Variants in AHRR observed in about 807,000 individuals in gnomAD.
AHRR encodes the protein aryl hydrocarbon receptor repressor.
A neutral mutation model predicts 44.0 loss-of-function variants in AHRR; 28 were observed. The ratio of observed to expected loss-of-function variants is 0.64; its 90% CI spans 0.47 to 0.87. AHRR has a LOEUF of 0.87. AHRR is among the 40% of genes least tolerant of loss of function. The probability of loss-of-function intolerance (pLI) is 0.00; values close to 1 mark genes in which losing one functional copy is unlikely to be tolerated. For synonymous variants in AHRR, 434 were observed against 407.0 expected (o/e 1.07, Z -0.80); for missense variants, 990 against 953.9 (o/e 1.04, Z -0.50).
intron 7 of AHRR, 80 bp downstream of exon 7, chr5:424,057 A>G: frequency 6.5e-7 from 1 of 1,528,812 alleles, no homozygotes; most frequent in Non-Finnish European, 8.8e-7. Context: ...ACAGAGGGCA[A>G]GAGGGGGTGG....
chr5:417,307 G>A (rs561561330), intron 5 of AHRR, among the ~76,000 whole-genome samples: 9 of 149,784 alleles, frequency 6.0e-5, no homozygotes, highest in South Asian at 2.1e-4. Flanking sequence ...TGCAGGTCCC[G>A]AGTCTAGAGA....
chr5:420,698 G>A (rs1736040650), intron 5 of AHRR, among the ~76,000 whole-genome samples: 1 of 152,190 alleles, frequency 6.6e-6, no homozygotes, highest in Non-Finnish European at 1.5e-5. Flanking sequence ...GATGGCAGCG[G>A]GGACACCTTG....
At chr5:391,582 AGGAG>A (rs2126473704) in intron 4 of AHRR, among the ~76,000 whole-genome samples, 10 of 9,180 alleles carry the variant, frequency 1.1e-3, no homozygotes, top group Non-Finnish European at 1.6e-3. Context: ...GGGCAGGGCG[AGGAG>A]GGCGCAGGGC....
intron 4 of AHRR, among the ~76,000 whole-genome samples, chr5:401,660 C>G (rs1735019210): frequency 6.6e-6 from 1 of 152,196 alleles, no homozygotes; most frequent in Non-Finnish European, 1.5e-5. Context: ...CATCGTTCCA[C>G]AGGATGCCAG....
In AHRR at chr5:436,456, A is replaced by G. The variant is rs1231034852; in HGVS notation, c.*1622A>G. 6.6e-6 allele frequency: 1 copy of G among 152,420 alleles called. No homozygotes were observed. The highest frequency in any genetic ancestry group is 2.4e-5 in the African/African-American group (1 of 41,428). The allele number at this position is 152,420 out of a possible 1,614,324, so 9.4% of individuals were successfully genotyped here. A position where few individuals can be genotyped will look rare whatever the true frequency, so the allele number is the denominator to read the frequency against. ...TTGGCAGGACTGGGTCTTCTGCCCA[A>G]TGCCAGGTGCCTGCGCCTCTCAGTG... On this transcript the variant is annotated 3_prime_UTR_variant, in exon 11 of 11. Transcript: ENST00000684583.
intron 1 of AHRR, among the ~76,000 whole-genome samples, chr5:341,619 T>A (rs930845501): frequency 4.0e-5 from 6 of 150,638 alleles, no homozygotes; most frequent in Non-Finnish European, 7.4e-5. Context: ...TCTTCCAGGC[T>A]CAAGCAATTC....
Position 340,664 on chromosome 5 carries a change from T to TTATATATATA in AHRR, c.-10-3213_-10-3204dup, listed in dbSNP as rs201426173. Among the ~76,000 whole-genome samples, 15 of 31,950 alleles carry TTATATATATA rather than the reference T, an allele frequency of 4.7e-4. 2 individuals are homozygous for TTATATATATA. The highest frequency in any genetic ancestry group is 1.3e-3 in the African/African-American group (6 of 4,528). 21.0% of individuals were successfully genotyped at this position (31,950 alleles called of 152,430 possible). On this transcript the variant is annotated intron_variant, in intron 1 of 10. Transcript: ENST00000684583. ...GGACGCAATTATGTTCACAGCAATA[T>TTATATATATA]TATATATATATATATATATATATAT...
Position 422,750 on chromosome 5 carries a change from A to G in AHRR, c.463A>G (p.Ile155Val). 2 of 1,614,170 alleles carry G rather than the reference A, an allele frequency of 1.2e-6. No homozygotes were observed. Among genetic ancestry groups the G allele is most frequent in the Admixed American group, 1.7e-5 (1 of 60,012 alleles). Residue 155 changes from isoleucine to valine, a missense_variant, in exon 6 of 11, where the codon ATT (isoleucine) becomes GTT (valine). By Grantham distance (29) the Ile-to-Val change is conservative (BLOSUM62 3). Transcript: ENST00000684583. ...FHQTDVMHQN[I>V]YDYIHVDDRQ... ...TCAGACGGATGTAATGCACCAGAAC[A>G]TTTATGACTACATCCACGTGGACGA...
intron 3 of AHRR, among the ~76,000 whole-genome samples, chr5:361,781 C>T (rs931066574): frequency 6.4e-4 from 97 of 152,308 alleles, no homozygotes; most frequent in African/African-American, 2.3e-3. Context: ...TGTCTGGTCT[C>T]ACAGGTTCTT....
chr5:420,947 G>C, intron 5 of AHRR: 1 of 174,638 alleles, frequency 5.7e-6, no homozygotes, highest in South Asian at 6.2e-5. Context: ...CACCCACACA[G>C]GCGCACATAC....
rs370470620 is a variant in AHRR at position 370,365 on chromosome 5, G to A, written c.245-6245G>A. Among the ~76,000 whole-genome samples the A allele has an allele frequency of 1.4e-3, 218 of 152,348 alleles. 5 individuals carry two copies. In the South Asian group the frequency reaches 0.038, roughly 27 times the overall value. On this transcript the variant is annotated intron_variant, in intron 3 of 10. Coordinates refer to ENST00000684583, the MANE Select transcript of AHRR (RefSeq NM_001377236.1). The surrounding 1 kb of genome is among the most constrained non-coding windows in gnomAD (Gnocchi z 4.5). ...TCAGGCAATTCTGGGGCGAGCAGGC[G>A]TCGGGGAAGGGTTGGATGGGCGTCC...
rs559068848 is a variant in AHRR, at chr5:370,573, G to A, written c.245-6037G>A. Among the ~76,000 whole-genome samples, 2 of 152,318 alleles carry A rather than the reference G, an allele frequency of 1.3e-5. No individual in the cohort carries two copies. The highest frequency in any genetic ancestry group is 4.8e-5 in the African/African-American group (2 of 41,570). ...ACAGTGGGTGCAGCCCCAGGCAGGTGGTGGTCCATAGGGGACAGCCCCCAG... is the reference window on the plus strand; with the variant it reads ...ACAGTGGGTGCAGCCCCAGGCAGGTAGTGGTCCATAGGGGACAGCCCCCAG... On this transcript the variant is annotated intron_variant, in intron 3 of 10. Transcript: ENST00000684583. The surrounding 1 kb of genome is among the most constrained non-coding windows in gnomAD (Gnocchi z 4.5).
chr5:365,036 C>A (rs979332413), intron 3 of AHRR, among the ~76,000 whole-genome samples: 3 of 151,494 alleles, frequency 2.0e-5, no homozygotes, highest in Admixed American at 6.6e-5. Flanking sequence ...TATATAAATT[C>A]ATCATCAGAG....
Position 435,152 on chromosome 5 carries a change from C to T in AHRR, c.*318C>T, listed in dbSNP as rs981916883. 1.4e-4 allele frequency: 45 copies of T among 313,464 alleles called. No homozygotes were observed. The highest frequency in any genetic ancestry group is 2.4e-4 in the Non-Finnish European group (41 of 169,048). 19.4% of individuals were successfully genotyped at this position (313,464 alleles called of 1,614,324 possible). ...TCATGCCCCAGAGGCAGCGAGCACC[C>T]GTCCCATGGCTGCCAAGTCCACAGT... On this transcript the variant is annotated 3_prime_UTR_variant, in exon 11 of 11. Coordinates refer to ENST00000684583, the MANE Select transcript of AHRR (RefSeq NM_001377236.1).
At chr5:390,161 G>A (rs55646778) in intron 4 of AHRR, among the ~76,000 whole-genome samples, 1,684 of 152,250 alleles carry the variant, frequency 0.011, 18 homozygotes, top group Non-Finnish European at 0.019. Context: ...TGCAGTCAAC[G>A]GTAACTTAAT....
intron 4 of AHRR, among the ~76,000 whole-genome samples, chr5:380,233 G>C (rs1265920770): frequency 6.6e-6 from 1 of 152,086 alleles, no homozygotes; most frequent in Non-Finnish European, 1.5e-5. Context: ...ACCTACTATA[G>C]CTTTAAAATA....
At chr5:380,132 A>G (rs536291160) in intron 4 of AHRR, among the ~76,000 whole-genome samples, 13 of 152,202 alleles carry the variant, frequency 8.5e-5, no homozygotes, top group African/African-American at 2.7e-4. Flanking sequence ...TGAAAAATCA[A>G]TTGGCTGTAT....
chr5:373,398 G>A (rs1198390530), intron 3 of AHRR, among the ~76,000 whole-genome samples: 1 of 152,240 alleles, frequency 6.6e-6, no homozygotes, highest in Non-Finnish European at 1.5e-5. Flanking sequence ...GGAGGCAGGG[G>A]ACAGGTTGGC....
At chr5:348,775 T>A (rs1579609906) in intron 2 of AHRR, among the ~76,000 whole-genome samples, 1 of 152,354 alleles carries the variant, frequency 6.6e-6, no homozygotes, top group Non-Finnish European at 1.5e-5. Flanking sequence ...GTTCTCTGTT[T>A]TAGACTGTTA....
Sources: gnomAD v4.1 joint callset for allele counts (sites outside exome capture counted in the v4.1 genomes callset) on GRCh38, gnomAD v4.1.1 for gene constraint, Gnocchi (gnomAD v3.1) non-coding constraint, MANE v1.5 for transcripts, NCBI Gene and HGNC (gene_info 2026-07-23, HGNC 2026-07-21) for gene names.